Variants in ARHGAP6 observed in about 807,000 individuals in gnomAD.
ARHGAP6 encodes Rho GTPase activating protein 6.
In ARHGAP6, 16 loss-of-function variants were observed where a neutral mutation model predicts 55.7. That is an observed-to-expected ratio of 0.29 (90% CI 0.19 to 0.44). The LOEUF (loss-of-function observed/expected upper bound fraction) is 0.44. ARHGAP6 is among the 20% of genes least tolerant of loss of function. The pLI is 1.00. For synonymous variants in ARHGAP6, 382 were observed against 360.9 expected (o/e 1.06, Z -0.66); for missense variants, 698 against 808.9 (o/e 0.86, Z 1.66).
intron 1 of ARHGAP6, among the ~76,000 whole-genome samples, chrX:11,390,847 C>A (rs769856050): frequency 8.9e-6 from 1 of 112,012 alleles, no homozygotes; most frequent in African/African-American, 3.2e-5. Flanking sequence ...GAAATAGGAA[C>A]ACTTTTACAC....
At chrX:11,435,412 C>T (rs1000704350) in intron 1 of ARHGAP6, among the ~76,000 whole-genome samples, 5 of 112,070 alleles carry the variant, frequency 4.5e-5, no homozygotes, top group African/African-American at 1.6e-4. Flanking sequence ...CAGTGGAATA[C>T]AGAACAAGAG....
intron 2 of ARHGAP6, among the ~76,000 whole-genome samples, chrX:11,232,280 C>T (rs941639867): frequency 1.8e-5 from 2 of 111,684 alleles, no homozygotes; most frequent in Non-Finnish European, 3.8e-5. Context: ...CCGTTCTACT[C>T]ACTACCTCCC....
chrX:11,153,447 C>A (rs1460618889), intron 10 of ARHGAP6, among the ~76,000 whole-genome samples: 2 of 103,863 alleles, frequency 1.9e-5, no homozygotes, highest in Non-Finnish European at 3.9e-5. Context: ...ATCGTTTGAA[C>A]CCGGGAGGTG....
At chrX:11,294,908 C>A in intron 1 of ARHGAP6, 1 of 1,122,072 alleles carries the variant, frequency 8.9e-7, no homozygotes, top group Non-Finnish European at 1.2e-6. Flanking sequence ...AAAATCTGCT[C>A]ATAGTTGGTG....
intron 1 of ARHGAP6, among the ~76,000 whole-genome samples, chrX:11,338,530 T>C (rs2048667111): frequency 1.8e-5 from 2 of 111,542 alleles, no homozygotes; most frequent in Non-Finnish European, 1.9e-5. Context: ...TGGGCAAAAA[T>C]AAGTTAATTA....
At chrX:11,480,016 T>C (rs1258518838) in intron 1 of ARHGAP6, among the ~76,000 whole-genome samples, 1 of 111,213 alleles carries the variant, frequency 9.0e-6, no homozygotes, top group African/African-American at 3.3e-5. Flanking sequence ...AGGGTAATAA[T>C]GAAGGGAAGG....
At chrX:11,169,805 C>G in intron 8 of ARHGAP6, 121 bp from the exon 9 acceptor site, 1 of 521,638 alleles carries the variant, frequency 1.9e-6, no homozygotes, top group Admixed American at 4.7e-5. Context: ...AGGATGCCAT[C>G]CTCTCTGTCA....
chrX:11,512,048 G>T (rs932207647), intron 1 of ARHGAP6, among the ~76,000 whole-genome samples: 4 of 111,046 alleles, frequency 3.6e-5, no homozygotes, highest in African/African-American at 9.8e-5. Flanking sequence ...GGATGGTCTT[G>T]ATCTCCTGAC....
chrX:11,555,983 T>C (rs2051316978), intron 1 of ARHGAP6, among the ~76,000 whole-genome samples: 1 of 111,005 alleles, frequency 9.0e-6, no homozygotes, highest in African/African-American at 3.3e-5. Flanking sequence ...TGGAGGGTGT[T>C]GAGTAAGTGG....
intron 1 of ARHGAP6, among the ~76,000 whole-genome samples, chrX:11,466,050 A>T (rs2050289914): frequency 9.1e-6 from 1 of 110,370 alleles, no homozygotes; most frequent in Admixed American, 9.7e-5. Context: ...GTCTTTTCCT[A>T]CACAGAGACT....
intron 12 of ARHGAP6, among the ~76,000 whole-genome samples, chrX:11,141,621 C>T (rs1288090633): frequency 8.9e-6 from 1 of 112,336 alleles, no homozygotes; most frequent in Non-Finnish European, 1.9e-5. Context: ...ACTTGCAATA[C>T]TGATGAGATT....
At chrX:11,550,501 T>C (rs2051255870) in intron 1 of ARHGAP6, among the ~76,000 whole-genome samples, 2 of 112,118 alleles carry the variant, frequency 1.8e-5, no homozygotes, top group South Asian at 7.5e-4. Flanking sequence ...AATTAGATTA[T>C]CTTGGGTGTG....
At chrX:11,431,983 G>A (rs1201741710) in intron 1 of ARHGAP6, among the ~76,000 whole-genome samples, 1 of 111,432 alleles carries the variant, frequency 9.0e-6, no homozygotes, top group Non-Finnish European at 1.9e-5. Context: ...AGAATGTTTT[G>A]CATCATCCCC....
At chrX:11,294,901 A>G in intron 1 of ARHGAP6, 1 of 1,143,647 alleles carries the variant, frequency 8.7e-7, no homozygotes, top group Non-Finnish European at 1.2e-6. Context: ...GGACATAAAA[A>G]TCTGCTCATA....
intron 1 of ARHGAP6, among the ~76,000 whole-genome samples, chrX:11,428,467 G>A (rs756747865): frequency 5.9e-4 from 66 of 112,186 alleles, no homozygotes; most frequent in African/African-American, 1.9e-3. Context: ...GAAGATCAGC[G>A]AGTTCCCTCC....
intron 1 of ARHGAP6, among the ~76,000 whole-genome samples, chrX:11,525,184 C>G (rs1007877751): frequency 8.9e-6 from 1 of 111,826 alleles, no homozygotes; most frequent in Non-Finnish European, 1.9e-5. Context: ...AGAGGCATCC[C>G]TATCTACTAA....
intron 1 of ARHGAP6, among the ~76,000 whole-genome samples, chrX:11,397,095 G>A (rs1331410038): frequency 2.7e-5 from 3 of 111,398 alleles, no homozygotes; most frequent in African/African-American, 9.8e-5. Context: ...ACTGCGACAA[G>A]AAACTCCTTT....
chrX:11,639,884 T>TA (rs1657279368), intron 1 of ARHGAP6, among the ~76,000 whole-genome samples: 2 of 111,152 alleles, frequency 1.8e-5, no homozygotes, highest in African/African-American at 3.3e-5. Flanking sequence ...TTTTTAAAAG[T>TA]AGATCAGAAC....
At chrX:11,174,319 C>T (rs1046147399) in intron 8 of ARHGAP6, among the ~76,000 whole-genome samples, 4 of 111,723 alleles carry the variant, frequency 3.6e-5, no homozygotes, top group African/African-American at 1.3e-4. Context: ...ATCACTTCTC[C>T]GAATGTCTGC....
Sources: gnomAD v4.1 joint callset for allele counts (sites outside exome capture counted in the v4.1 genomes callset) on GRCh38, gnomAD v4.1.1 for gene constraint, MANE v1.5 for transcripts, NCBI Gene and HGNC (gene_info 2026-07-23, HGNC 2026-07-21) for gene names.